RALYL: variants seen among roughly 807,000 people sequenced by gnomAD.
RALYL encodes the protein RNA-binding Raly-like protein.
Under a neutral mutation model 35.1 loss-of-function variants are expected in RALYL, and 29 were observed. The observed-to-expected ratio is 0.83, with a 90% CI of 0.61 to 1.13. RALYL has a LOEUF of 1.13. Among genes scored for constraint, RALYL ranks in the 50% most tolerant of loss-of-function variants. The probability of loss-of-function intolerance (pLI) is 0.00; values close to 1 mark genes in which losing one functional copy is unlikely to be tolerated. For synonymous variants in RALYL, 120 were observed against 127.6 expected, an observed-to-expected ratio of 0.94 and a Z score of 0.40; for missense variants, 359 against 360.4, an observed-to-expected ratio of 1.00 and a Z score of 0.03.
chr8:84,694,055 C>G (rs750489279), intron 2 of RALYL, among the ~76,000 whole-genome samples: 1 of 151,738 alleles, frequency 6.6e-6, no homozygotes, highest in African/African-American at 2.4e-5. Context: ...TGATTAGGAA[C>G]AAGAACCCCA....
intron 1 of RALYL, among the ~76,000 whole-genome samples, chr8:84,259,170 G>A (rs1688093791): frequency 1.3e-5 from 2 of 152,136 alleles, no homozygotes; most frequent in Admixed American, 1.3e-4. Flanking sequence ...GGGCAGAAGT[G>A]ACAAGGACAC....
chr8:84,516,857 G>T (rs1483471372), intron 1 of RALYL, among the ~76,000 whole-genome samples: 1 of 152,108 alleles, frequency 6.6e-6, no homozygotes, highest in Non-Finnish European at 1.5e-5. Context: ...TAAATTAAAA[G>T]CCAGCCATAT....
At position 84,670,687 on chromosome 8, in the gene RALYL, C is replaced by T. The variant is rs188984176; in HGVS notation, c.257-103892C>T. 6.5e-3 allele frequency among the ~76,000 whole-genome samples: 985 copies of T among 152,170 alleles called. 6 individuals carry two copies. The highest frequency in any genetic ancestry group is 8.3e-3 in the Non-Finnish European group (566 of 67,990). On this transcript the variant is annotated intron_variant, in intron 2 of 8. Coordinates refer to ENST00000521268, the MANE Select transcript of RALYL (RefSeq NM_173848.7). ...TTATAAAACCACCAGATCTTGTGAG[C>T]GTTAATCACTATCATGAGAACAGCA...
chr8:84,214,632 C>T (rs1820333479), intron 1 of RALYL, among the ~76,000 whole-genome samples: 1 of 151,962 alleles, frequency 6.6e-6, no homozygotes, highest in Admixed American at 6.6e-5. Context: ...ACCTAACTGG[C>T]AAGAGTTAGT....
intron 2 of RALYL, among the ~76,000 whole-genome samples, chr8:84,604,510 C>G (rs1035828257): frequency 2.6e-5 from 4 of 152,142 alleles, no homozygotes; most frequent in African/African-American, 9.7e-5. Context: ...GCTGCTGCTG[C>G]CGGCAGGGTG....
At chr8:84,535,477 C>T (rs969520912) in intron 2 of RALYL, among the ~76,000 whole-genome samples, 3 of 151,050 alleles carry the variant, frequency 2.0e-5, no homozygotes, top group African/African-American at 2.4e-5. Context: ...GCTCTGTCGC[C>T]CAGGCTGGAG....
intron 2 of RALYL, among the ~76,000 whole-genome samples, chr8:84,670,867 T>A (rs1024017949): frequency 2.6e-5 from 4 of 152,154 alleles, no homozygotes; most frequent in African/African-American, 9.7e-5. Flanking sequence ...TGTCATATCC[T>A]CACATTTCAA....
At position 84,680,264 on chromosome 8, in the gene RALYL, C is replaced by G. The variant is rs553466784; in HGVS notation, c.257-94315C>G. Among the ~76,000 whole-genome samples the G allele has an allele frequency of 3.5e-4, 54 of 152,190 alleles. No homozygotes were observed. In the South Asian group the frequency reaches 0.011, roughly 30 times the overall value. On this transcript the variant is annotated intron_variant, in intron 2 of 8. Coordinates refer to ENST00000521268, the MANE Select transcript of RALYL (RefSeq NM_173848.7). ...CAGTCTATCATTGTTGGACATTTGG[C>G]TTGGTTCCAAGTCTTTGCTATTGTG...
chr8:84,524,777 C>A (rs1487088224), intron 1 of RALYL, among the ~76,000 whole-genome samples: 1 of 152,062 alleles, frequency 6.6e-6, no homozygotes, highest in African/African-American at 2.4e-5. Context: ...ACCACCTCAG[C>A]CTGATATTTC....
intron 1 of RALYL, among the ~76,000 whole-genome samples, chr8:84,394,826 A>G (rs1861442232): frequency 6.6e-6 from 1 of 152,056 alleles, no homozygotes; most frequent in South Asian, 2.1e-4. Context: ...TCCCAAGTTC[A>G]CAATTCTTAC....
Position 84,184,087 on chromosome 8 carries a change from C to A in RALYL, c.-361C>A, listed in dbSNP as rs1374536708. The A allele has an allele frequency of 6.6e-6, 1 of 152,004 alleles. No homozygotes were observed. The allele number at this position is 152,004 out of a possible 1,614,324, so 9.4% of individuals were successfully genotyped here. A position where few individuals can be genotyped will look rare whatever the true frequency, so the allele number is the denominator to read the frequency against. On this transcript the variant is annotated 5_prime_UTR_variant, in exon 1 of 9. Transcript: ENST00000521268. ...TTTTGGAAGCCGGTGAAAACAAATT[C>A]GTTTTTTTTCCCTCCTGTTTTTGAT...
chr8:84,722,431 T>C, intron 2 of RALYL, among the ~76,000 whole-genome samples: 1 of 151,666 alleles, frequency 6.6e-6, no homozygotes, highest in East Asian at 1.9e-4. Context: ...AGGGTTGAGC[T>C]GTCTGTGGCC....
At chr8:84,210,222 G>A (rs1454167078) in intron 1 of RALYL, among the ~76,000 whole-genome samples, 1 of 151,810 alleles carries the variant, frequency 6.6e-6, no homozygotes, top group Non-Finnish European at 1.5e-5. Context: ...ATATATGTGT[G>A]TATGTGTATA....
At chr8:84,418,975 T>G (rs1224889998) in intron 1 of RALYL, among the ~76,000 whole-genome samples, 1 of 152,146 alleles carries the variant, frequency 6.6e-6, no homozygotes, top group Non-Finnish European at 1.5e-5. Context: ...AACATTTTCT[T>G]GTCCCAACTG....
intron 6 of RALYL, among the ~76,000 whole-genome samples, chr8:84,863,106 A>G (rs1279140863): frequency 6.6e-6 from 1 of 152,220 alleles, no homozygotes; most frequent in Non-Finnish European, 1.5e-5. Flanking sequence ...TAAAGAAAGG[A>G]TAACAAAATT....
At chr8:84,504,481 G>T (rs1001794533) in intron 1 of RALYL, among the ~76,000 whole-genome samples, 3 of 151,978 alleles carry the variant, frequency 2.0e-5, no homozygotes, top group Non-Finnish European at 4.4e-5. Context: ...GATAATTTTT[G>T]TACATAAATA....
Position 84,377,141 on chromosome 8 carries a change from A to G in RALYL, c.-23-152158A>G, listed in dbSNP as rs575445893. On this transcript the variant is annotated intron_variant, in intron 1 of 8. Coordinates refer to ENST00000521268, the MANE Select transcript of RALYL (RefSeq NM_173848.7). ...TTATTAAAAAATTTTACATGTATCA[A>G]TGGATTCCAGACTCCATATTTTAAG... 1.5e-4 allele frequency among the ~76,000 whole-genome samples: 23 copies of G among 151,970 alleles called. No homozygotes were observed. In the East Asian group the frequency reaches 3.9e-3, roughly 26 times the overall value.
rs531278528 is a variant in RALYL, at chr8:84,350,481, C to G, written c.-24+166057C>G. Among the ~76,000 whole-genome samples, 12 of 150,104 alleles carry G rather than the reference C, an allele frequency of 8.0e-5. No individual in the cohort carries two copies. In the East Asian group the frequency reaches 2.3e-3, roughly 29 times the overall value. On this transcript the variant is annotated intron_variant, in intron 1 of 8. Transcript: ENST00000521268. The stretch of plus-strand genomic sequence containing the variant: ...ATTTGAAATCTGTATTGTCCCTGGT[C>G]GAGACAGTACTACACTGGTCTGCTT...
At chr8:84,232,110 T>C (rs7831839) in intron 1 of RALYL, among the ~76,000 whole-genome samples, 1 of 151,908 alleles carries the variant, frequency 6.6e-6, no homozygotes, top group Non-Finnish European at 1.5e-5. Flanking sequence ...ATGAATGGGA[T>C]ATTTAATTAT....
Sources: allele counts gnomAD v4.1 joint callset (sites outside exome capture counted in the v4.1 genomes callset), GRCh38; gene constraint gnomAD v4.1.1; transcripts MANE v1.5; gene names NCBI Gene and HGNC (gene_info 2026-07-23, HGNC 2026-07-21).